Variants in STX18 observed in about 807,000 individuals in gnomAD.
The protein encoded by STX18 is syntaxin-18.
A neutral mutation model predicts 50.1 loss-of-function variants in STX18; 40 were observed. The observed-to-expected ratio is 0.80, with a 90% CI of 0.62 to 1.04. The LOEUF (loss-of-function observed/expected upper bound fraction) is 1.04, where lower values mean the gene tolerates loss of function less well. Among genes scored for constraint, STX18 ranks in the 50% least tolerant of loss-of-function variants. The pLI, the probability that STX18 is intolerant of heterozygous loss-of-function variation, is 0.00. For missense variants in STX18, 410 were observed against 415.8 expected, an observed-to-expected ratio of 0.99 and a Z score of 0.12; for synonymous variants, 158 against 151.8, an observed-to-expected ratio of 1.04 and a Z score of -0.30.
chr4:4,471,428 T>G (rs1008891022), intron 2 of STX18, among the ~76,000 whole-genome samples: 1 of 152,190 alleles, frequency 6.6e-6, no homozygotes. Flanking sequence ...ACAAATAGAC[T>G]GGAAGATATT....
intron 1 of STX18, among the ~76,000 whole-genome samples, chr4:4,492,509 G>C (rs1024926142): frequency 6.6e-6 from 1 of 152,074 alleles, no homozygotes; most frequent in African/African-American, 2.4e-5. Flanking sequence ...AAAGCATAAA[G>C]AAAAGCATTT....
At chr4:4,499,013 C>G (rs139531530) in intron 1 of STX18, among the ~76,000 whole-genome samples, 1 of 152,280 alleles carries the variant, frequency 6.6e-6, no homozygotes, top group Non-Finnish European at 1.5e-5. Flanking sequence ...TAAGCCAAAC[C>G]AGCAAATGAA....
intron 1 of STX18, among the ~76,000 whole-genome samples, chr4:4,516,521 T>A (rs896210805): frequency 6.6e-6 from 1 of 152,188 alleles, no homozygotes; most frequent in African/African-American, 2.4e-5. Context: ...ATGATTTTCA[T>A]ATAAGAAAAA....
chr4:4,512,665 G>A (rs1393781042), intron 1 of STX18, among the ~76,000 whole-genome samples: 1 of 152,180 alleles, frequency 6.6e-6, no homozygotes, highest in East Asian at 1.9e-4. Flanking sequence ...GCACGTTTGT[G>A]AGTTAGGTAC....
chr4:4,498,871 C>G (rs1260583126), intron 1 of STX18, among the ~76,000 whole-genome samples: 2 of 152,092 alleles, frequency 1.3e-5, no homozygotes, highest in African/African-American at 4.8e-5. Context: ...CTCTGAAGGT[C>G]TTTAGAATAA....
At chr4:4,515,869 T>C (rs1278872809) in intron 1 of STX18, among the ~76,000 whole-genome samples, 1 of 151,244 alleles carries the variant, frequency 6.6e-6, no homozygotes, top group African/African-American at 2.4e-5. Flanking sequence ...GCAGTGCAAA[T>C]TATTGATTTG....
intron 2 of STX18, chr4:4,461,931 G>A (rs1727400741): frequency 2.2e-6 from 1 of 456,124 alleles, no homozygotes; most frequent in Non-Finnish European, 4.4e-6. Flanking sequence ...GTTCCGCTCT[G>A]TTCCTCTCTC....
At chr4:4,455,544 A>T (rs1727019525) in intron 5 of STX18, among the ~76,000 whole-genome samples, 1 of 152,246 alleles carries the variant, frequency 6.6e-6, no homozygotes, top group Non-Finnish European at 1.5e-5. Context: ...GGCAGAGTTC[A>T]TGCCATCCTA....
chr4:4,511,656 A>G (rs1730009192), intron 1 of STX18, among the ~76,000 whole-genome samples: 1 of 151,976 alleles, frequency 6.6e-6, no homozygotes, highest in African/African-American at 2.4e-5. Context: ...CTATAAACTG[A>G]AAAATCTTAA....
chr4:4,486,470 A>T lies in STX18; in HGVS notation c.169-14764T>A, dbSNP rs139679851. Among the ~76,000 whole-genome samples the T allele has an allele frequency of 2.6e-4, 40 of 152,372 alleles. No homozygotes were observed. In the East Asian group the frequency reaches 7.5e-3, roughly 29 times the overall value. On this transcript the variant is annotated intron_variant, in intron 1 of 10. Coordinates refer to ENST00000306200, the MANE Select transcript of STX18 (RefSeq NM_016930.4). ...AAATGTTTTTGAGTGAATATGCAAC[A>T]AAAATGATCACCGCAAACACTATTA...
intron 1 of STX18, among the ~76,000 whole-genome samples, chr4:4,477,591 C>A (rs1351322034): frequency 6.6e-6 from 1 of 152,114 alleles, no homozygotes; most frequent in Non-Finnish European, 1.5e-5. Flanking sequence ...GATGAGAAAA[C>A]CGAGTCAGAG....
chr4:4,505,626 A>T (rs9997591), intron 1 of STX18, among the ~76,000 whole-genome samples: 23,333 of 151,284 alleles, frequency 0.15, 1,809 homozygotes, highest in Non-Finnish European at 0.18. Context: ...CTAAAAATAA[A>T]AAAAAAAAAA....
chr4:4,431,312 T>C (rs1725506703), intron 7 of STX18, among the ~76,000 whole-genome samples: 1 of 152,198 alleles, frequency 6.6e-6, no homozygotes. Context: ...TGGTATAATA[T>C]TTGGGGAAAC....
chr4:4,536,174 C>G (rs1193222842), intron 1 of STX18, among the ~76,000 whole-genome samples: 5 of 152,222 alleles, frequency 3.3e-5, no homozygotes, highest in African/African-American at 1.2e-4. Flanking sequence ...ATGTAATATT[C>G]AAGAATCATG....
intron 5 of STX18, among the ~76,000 whole-genome samples, chr4:4,439,233 A>G (rs1725964392): frequency 8.7e-6 from 1 of 114,778 alleles, no homozygotes. Context: ...CCACATATAC[A>G]CACACACCAC....
chr4:4,491,899 T>C (rs1728959053), intron 1 of STX18, among the ~76,000 whole-genome samples: 1 of 152,154 alleles, frequency 6.6e-6, no homozygotes, highest in Non-Finnish European at 1.5e-5. Context: ...AAAAGTATCC[T>C]GACAAGAGAT....
At chr4:4,532,671 C>T (rs956440481) in intron 1 of STX18, among the ~76,000 whole-genome samples, 1 of 152,104 alleles carries the variant, frequency 6.6e-6, no homozygotes, top group Non-Finnish European at 1.5e-5. Context: ...AAGAGTGACA[C>T]CCAGAGAGGT....
chr4:4,420,020 C>A lies in STX18; in HGVS notation c.*14G>T. ...GCCCATGAGGACTCTCGTGCTGGGC[C>A]CCCGTGGCCCTGGCTAGCTGTCGTA... On this transcript the variant is annotated 3_prime_UTR_variant, in exon 11 of 11. Coordinates refer to ENST00000306200, the MANE Select transcript of STX18 (RefSeq NM_016930.4). This position sits in a 1 kb window ranked among gnomAD's most constrained non-coding sequence, Gnocchi z 4.3. 1 of 1,603,548 alleles carries A rather than the reference C, an allele frequency of 6.2e-7. No individual in the cohort carries two copies. The highest frequency in any genetic ancestry group is 8.5e-7 in the Non-Finnish European group (1 of 1,174,908).
intron 2 of STX18, among the ~76,000 whole-genome samples, chr4:4,462,759 G>C (rs979390547): frequency 6.6e-5 from 10 of 152,124 alleles, no homozygotes; most frequent in South Asian, 2.1e-4. Flanking sequence ...AGAATGCCTC[G>C]GGGACAACAG....
Sources: allele counts gnomAD v4.1 joint callset (sites outside exome capture counted in the v4.1 genomes callset), GRCh38; gene constraint gnomAD v4.1.1; non-coding constraint Gnocchi (gnomAD v3.1); transcripts MANE v1.5; gene names NCBI Gene and HGNC (gene_info 2026-07-23, HGNC 2026-07-21).